Variants in IFT74 observed in about 807,000 individuals in gnomAD.
The protein encoded by IFT74 is intraflagellar transport 74.
A neutral mutation model predicts 96.7 loss-of-function variants in IFT74; 92 were observed. The ratio of observed to expected loss-of-function variants is 0.95; its 90% CI spans 0.80 to 1.13. IFT74 has a LOEUF of 1.13. Ranked by LOEUF, IFT74 falls within the 50% of genes most tolerant of loss-of-function variation. The pLI, the probability that IFT74 is intolerant of heterozygous loss-of-function variation, is 0.00. For synonymous variants in IFT74, 223 were observed against 213.2 expected (o/e 1.05, Z -0.40); for missense variants, 811 against 698.2 (o/e 1.16, Z -1.82).
chr9:27,038,765 A>G (rs1418308281), intron 13 of IFT74, among the ~76,000 whole-genome samples: 1 of 152,212 alleles, frequency 6.6e-6, no homozygotes, highest in Non-Finnish European at 1.5e-5. Flanking sequence ...CAGAGTCCTC[A>G]ATTTGGATAC....
intron 13 of IFT74, among the ~76,000 whole-genome samples, chr9:27,033,982 C>T (rs990320814): frequency 1.3e-5 from 2 of 148,658 alleles, no homozygotes; most frequent in Admixed American, 1.3e-4. Context: ...ACTGTTAGGC[C>T]TGAATTTGTA....
At chr9:27,005,556 C>A (rs1748566269) in intron 8 of IFT74, 1 of 151,522 alleles carries the variant, frequency 6.6e-6, no homozygotes, top group South Asian at 2.1e-4. Context: ...AAAAAAAATA[C>A]AACAATAACC....
chr9:27,041,834 T>A (rs78430917), intron 13 of IFT74, among the ~76,000 whole-genome samples: 6,243 of 152,298 alleles, frequency 0.041, 152 homozygotes, highest in Middle Eastern at 0.068. Context: ...TCACTAATGC[T>A]CTGACCACTC....
chr9:26,999,696 T>C, intron 8 of IFT74: 1 of 1,598,814 alleles, frequency 6.3e-7, no homozygotes, highest in African/African-American at 1.3e-5. Flanking sequence ...GACTTTCATG[T>C]TGCAGACCTG....
chr9:27,033,417 G>A (rs1830215495), intron 13 of IFT74, among the ~76,000 whole-genome samples: 2 of 151,918 alleles, frequency 1.3e-5, no homozygotes. Flanking sequence ...AAATTAGCCA[G>A]GCATGGTGAT....
At chr9:26,983,520 C>CA (rs1470179177) in intron 4 of IFT74, among the ~76,000 whole-genome samples, 3 of 152,104 alleles carry the variant, frequency 2.0e-5, no homozygotes, top group Admixed American at 2.0e-4. Flanking sequence ...AAACATCCTG[C>CA]AGTGTACAAG....
chr9:26,985,685 A>G (rs1247062752), intron 6 of IFT74, among the ~76,000 whole-genome samples: 1 of 152,168 alleles, frequency 6.6e-6, no homozygotes, highest in Non-Finnish European at 1.5e-5. Flanking sequence ...TTACTGACAC[A>G]TACACAAATG....
In IFT74 at chr9:27,063,956, G is replaced by T. The variant is rs933899956; in HGVS notation, c.*1220G>T. Among the ~76,000 whole-genome samples, 1 of 152,074 alleles carries T rather than the reference G, an allele frequency of 6.6e-6. No individual in the cohort carries two copies. Among genetic ancestry groups the T allele is most frequent in the Non-Finnish European group, 1.5e-5 (1 of 67,960 alleles). On this transcript the variant is annotated 3_prime_UTR_variant, in exon 20 of 20. Coordinates refer to ENST00000380062, the MANE Select transcript of IFT74 (RefSeq NM_025103.4). The stretch of plus-strand genomic sequence containing the variant: ...CTGAGCATCTTGAGTTATTAATAGT[G>T]TTATGCCTCCAAAGGATTCATGGTC...
Position 26,956,497 on chromosome 9 carries a change from C to G in IFT74, c.-39C>G, listed in dbSNP as rs1050409872. On this transcript the variant is annotated 5_prime_UTR_variant, in exon 1 of 20. Coordinates refer to ENST00000380062, the MANE Select transcript of IFT74 (RefSeq NM_025103.4). ...GGCACCCGCGAGCCGGGCAACTGCC[C>G]TCCTTCCGCGCCGGCGGAGGTGAGA... is the stretch of plus-strand genomic sequence containing the variant. 1 of 152,358 alleles carries G rather than the reference C, an allele frequency of 6.6e-6. No homozygotes were observed. The highest frequency in any genetic ancestry group is 2.4e-5 in the African/African-American group (1 of 41,470). 9.4% of individuals were successfully genotyped at this position (152,358 alleles called of 1,614,324 possible). A position where few individuals can be genotyped will look rare whatever the true frequency, so the allele number is the denominator to read the frequency against.
intron 12 of IFT74, among the ~76,000 whole-genome samples, chr9:27,024,129 C>T (rs1207775202): frequency 6.6e-6 from 1 of 152,274 alleles, no homozygotes; most frequent in Admixed American, 6.5e-5. Flanking sequence ...CAGCTAATTC[C>T]ACTGCCTGTA....
chr9:27,000,668 T>A (rs1424325230), intron 8 of IFT74, among the ~76,000 whole-genome samples: 2 of 152,218 alleles, frequency 1.3e-5, no homozygotes, highest in Non-Finnish European at 2.9e-5. Context: ...CTAGCTGTTT[T>A]TAAATGTACA....
intron 8 of IFT74, chr9:26,999,476 G>A (rs1828356716): frequency 1.9e-6 from 1 of 520,862 alleles, no homozygotes. Flanking sequence ...TTGGAATTTG[G>A]ATATACAGAG....
At chr9:26,970,306 C>T (rs1023208456) in intron 2 of IFT74, among the ~76,000 whole-genome samples, 1 of 152,084 alleles carries the variant, frequency 6.6e-6, no homozygotes, top group Non-Finnish European at 1.5e-5. Context: ...GTAGGTATAA[C>T]CACTATCAAC....
At chr9:26,948,005 C>T (rs151317204) in intron 1 of IFT74, among the ~76,000 whole-genome samples, 14 of 152,266 alleles carry the variant, frequency 9.2e-5, no homozygotes, top group African/African-American at 2.9e-4. Context: ...TTCTTCCCAT[C>T]CGCTATTCTC....
intron 19 of IFT74, 48 bp downstream of exon 19, chr9:27,060,699 C>CT (rs1227023192): frequency 7.2e-7 from 1 of 1,397,720 alleles, no homozygotes; most frequent in African/African-American, 1.4e-5. Context: ...TGGCTCATGC[C>CT]TATAGTCCCA....
chr9:27,063,787 A>G lies in IFT74; in HGVS notation c.*1051A>G, dbSNP rs1413734406. Among the ~76,000 whole-genome samples, 1 of 152,112 alleles carries G rather than the reference A, an allele frequency of 6.6e-6. No individual in the cohort carries two copies. The highest frequency in any genetic ancestry group is 1.5e-5 in the Non-Finnish European group (1 of 67,952). ...TTGATTTTTAAAAATAAATATTTAT[A>G]ATGGTAAATTATTCAAATTCAGTCT... On this transcript the variant is annotated 3_prime_UTR_variant, in exon 20 of 20. Transcript: ENST00000380062.
At chr9:27,060,523 C>A in intron 18 of IFT74, 68 bp from the exon 19 acceptor site, 3 of 979,428 alleles carry the variant, frequency 3.1e-6, no homozygotes, top group South Asian at 3.6e-5. Flanking sequence ...TTTGTCTTAT[C>A]CTCTTAGAAA....
At chr9:27,059,557 T>C (rs1197886296) in intron 18 of IFT74, among the ~76,000 whole-genome samples, 2 of 152,204 alleles carry the variant, frequency 1.3e-5, no homozygotes, top group Non-Finnish European at 1.5e-5. Context: ...TGAAGGTTAT[T>C]AGAAATTTAC....
chr9:27,056,432 A>G lies in IFT74; in HGVS notation c.1596A>G (p.Gln532=), dbSNP rs776664714. 2 of 1,598,238 alleles carry G rather than the reference A, an allele frequency of 1.3e-6. No homozygotes were observed. Among genetic ancestry groups the G allele is most frequent in the South Asian group, 1.1e-5 (1 of 87,284 alleles). ...QNIEYEALKT[Q]LQENETHSQL... is the part of the protein sequence containing the mutation. ...TAGAGTATGAGGCACTAAAAACACA[A>G]TTGCAAGAAAATGAGACACATTCTC... The change falls in exon 18 of 20, where the codon CAA becomes CAG. Residue 532 remains glutamine, a synonymous_variant. Transcript: ENST00000380062.
Sources: gnomAD v4.1 joint callset for allele counts (sites outside exome capture counted in the v4.1 genomes callset) on GRCh38, gnomAD v4.1.1 for gene constraint, MANE v1.5 for transcripts, NCBI Gene and HGNC (gene_info 2026-07-23, HGNC 2026-07-21) for gene names.